The following IL13RA2 variants were observed in gnomAD, a reference collection of about 807,000 sequenced individuals.
IL13RA2 encodes the protein interleukin 13 receptor subunit alpha 2.
A neutral mutation model predicts 34.1 loss-of-function variants in IL13RA2; 25 were observed. The ratio of observed to expected loss-of-function variants is 0.73; its 90% CI spans 0.53 to 1.03. The LOEUF (loss-of-function observed/expected upper bound fraction) is 1.03. IL13RA2 is among the 50% of genes least tolerant of loss of function. The pLI is 0.00. For missense variants in IL13RA2, 297 were observed against 280.9 expected, an observed-to-expected ratio of 1.06 and a Z score of -0.41; for synonymous variants, 106 against 100.4, an observed-to-expected ratio of 1.06 and a Z score of -0.33.
rs1382602199 is a variant in IL13RA2 at position 115,015,891 on chromosome X, C to G, written c.95-70G>C. ...GACAAATATTGCTAAATCTAGATGGCTTCCAAATGTGCACCAATTGATTAA... is the reference window on the plus strand; with the variant it reads ...GACAAATATTGCTAAATCTAGATGGGTTCCAAATGTGCACCAATTGATTAA... On this transcript the variant is annotated intron_variant, in intron 2 of 9. Transcript: ENST00000243213. The G allele has an allele frequency of 7.4e-5, 52 of 705,799 alleles. No individual in the cohort carries two copies. In the East Asian group the frequency reaches 1.8e-3, roughly 24 times the overall value. The allele number at this position is 705,799 out of a possible 1,213,427, so 58.2% of individuals were successfully genotyped here. A position where few individuals can be genotyped will look rare whatever the true frequency, so the allele number is the denominator to read the frequency against.
intron 2 of IL13RA2, 121 bp from the exon 3 acceptor site, chrX:115,015,942 A>G: frequency 2.1e-6 from 1 of 472,114 alleles, no homozygotes; most frequent in Non-Finnish European, 3.6e-6. Flanking sequence ...TGCTACATGC[A>G]TACAATCAAA....
intron 2 of IL13RA2, among the ~76,000 whole-genome samples, chrX:115,016,879 G>A (rs2071730203): frequency 9.1e-6 from 1 of 110,030 alleles, no homozygotes; most frequent in African/African-American, 3.3e-5. Context: ...ACCAGGCAAT[G>A]AGGTTTCAGA....
chrX:115,016,646 TATAATATATAATATA>T lies in IL13RA2; in HGVS notation c.94+515_94+529del, dbSNP rs2071728848. Among the ~76,000 whole-genome samples, 10 of 102,087 alleles carry T rather than the reference TATAATATATAATATA, an allele frequency of 9.8e-5. No individual in the cohort carries two copies. The South Asian group carries it at 4.1e-3, about 42-fold the overall frequency. 88.7% of individuals were successfully genotyped at this position (102,087 alleles called of 115,157 possible). A position where few individuals can be genotyped will look rare whatever the true frequency, so the allele number is the denominator to read the frequency against. On this transcript the variant is annotated intron_variant, in intron 2 of 9. Coordinates refer to ENST00000243213, the MANE Select transcript of IL13RA2 (RefSeq NM_000640.3). The stretch of plus-strand genomic sequence containing the variant: ...ATGTATTTAATTATATTAATTATAA[TATAATATATAATATA>T]ATAATATACTATAAATAATTTTAAT...
At position 115,010,796 on chromosome X, in the gene IL13RA2, A is replaced by G. The variant is rs868969360; in HGVS notation, c.554T>C (p.Val185Ala). ...YEGLDHALQC[V>A]DYIKADGQNI... ...TTGTCCATCAGCCTTGATGTAATCA[A>G]CACACTGTAATGCATGATCCAAGCC... The change falls in exon 6 of 10, where the codon GTT (valine) becomes GCT (alanine). Residue 185 changes from valine to alanine, a missense_variant. Coordinates refer to ENST00000243213, the MANE Select transcript of IL13RA2 (RefSeq NM_000640.3). 5 of 1,127,620 alleles carry G rather than the reference A, an allele frequency of 4.4e-6. No individual in the cohort carries two copies. In the South Asian group the frequency reaches 1.1e-4, roughly 24 times the overall value. 92.9% of individuals were successfully genotyped at this position (1,127,620 alleles called of 1,213,427 possible).
Position 115,014,494 on chromosome X carries a change from T to C in IL13RA2, c.327A>G (p.Leu109=). ...CTGATCCATTTGTGCATTGCCATGG[T>C]AAAAGCGTGTGTATCTTCGCTTCAA... is the stretch of plus-strand genomic sequence containing the variant. ...KGIEAKIHTL[L]PWQCTNGSEV... The change falls in exon 4 of 10, where the codon TTA becomes TTG. Residue 109 remains leucine (L), a synonymous_variant. Transcript: ENST00000243213. 1 of 1,192,999 alleles carries C rather than the reference T, an allele frequency of 8.4e-7. No individual in the cohort carries two copies. Among genetic ancestry groups the C allele is most frequent in the Non-Finnish European group, 1.1e-6 (1 of 880,083 alleles).
chrX:115,009,702 T>C (rs781914156), intron 6 of IL13RA2, 36 bp from the exon 7 acceptor site: 9 of 1,165,518 alleles, frequency 7.7e-6, no homozygotes, highest in East Asian at 3.0e-5. Flanking sequence ...AACACGGAGA[T>C]TGTTGAAGTT....
chrX:115,004,851 T>C (rs143791241), intron 9 of IL13RA2, among the ~76,000 whole-genome samples: 261 of 112,473 alleles, frequency 2.3e-3, no homozygotes, highest in Middle Eastern at 9.3e-3. Flanking sequence ...ACTGGTAATA[T>C]GTGTTTCAGT....
intron 1 of IL13RA2, 113 bp downstream of exon 1, chrX:115,017,440 G>C: frequency 2.5e-6 from 1 of 395,435 alleles, no homozygotes; most frequent in Non-Finnish European, 4.4e-6. Flanking sequence ...TCAGACCATG[G>C]AAACAGAAAT....
intron 4 of IL13RA2, among the ~76,000 whole-genome samples, chrX:115,014,115 T>C (rs2071717209): frequency 8.9e-6 from 1 of 111,968 alleles, no homozygotes; most frequent in African/African-American, 3.2e-5. Context: ...TATAAGCATA[T>C]GCAAAAGTAG....
At position 115,005,100 on chromosome X, in the gene IL13RA2, A is replaced by T. The variant is rs1245410584; in HGVS notation, c.1116+97T>A. ...ATCAATTGTACACCCACAGCGAACA[A>T]GCAAAATTATAAAATGTATCTCCAT... On this transcript the variant is annotated intron_variant, in intron 9 of 9. Coordinates refer to ENST00000243213, the MANE Select transcript of IL13RA2 (RefSeq NM_000640.3). 2.7e-5 allele frequency: 14 copies of T among 527,529 alleles called. No homozygotes were observed. In the Admixed American group the frequency reaches 3.8e-4, roughly 14 times the overall value. The allele number at this position is 527,529 out of a possible 1,213,427, so 43.5% of individuals were successfully genotyped here.
At chrX:115,005,653 A>C (rs910864061) in intron 8 of IL13RA2, among the ~76,000 whole-genome samples, 24 of 112,215 alleles carry the variant, frequency 2.1e-4, no homozygotes, top group African/African-American at 7.4e-4. Flanking sequence ...AAGTGATTAA[A>C]CAAACATGTC....
chrX:115,009,517 A>G lies in IL13RA2; in HGVS notation c.852+4T>C. The G allele has an allele frequency of 8.4e-7, 1 of 1,188,714 alleles. No individual in the cohort carries two copies. Among genetic ancestry groups the G allele is most frequent in the Non-Finnish European group, 1.1e-6 (1 of 876,218 alleles). Reference sequence around the variant, plus strand: ...ATTTTCCCAAATAAATGCAATATTCATACCACCAAGGTAGTATCATCTTCT... The same window carrying G: ...ATTTTCCCAAATAAATGCAATATTCGTACCACCAAGGTAGTATCATCTTCT... On this transcript the variant is annotated splice_donor_region_variant and intron_variant, in intron 7 of 9. Transcript: ENST00000243213.
At position 115,005,260 on chromosome X, in the gene IL13RA2, G is replaced by T; in HGVS notation, c.1053C>A (p.Ile351=). 1.7e-6 allele frequency: 2 copies of T among 1,153,476 alleles called. No individual in the cohort carries two copies. The highest frequency in any genetic ancestry group is 6.0e-5 in the East Asian group (2 of 33,598). The stretch of plus-strand genomic sequence containing the variant: ...CGGTTACAAATATAACTAATATTAA[G>T]ATGAAACCAAATGGTAGCCAGAAAC... ...LLRFWLPFGF[I]LILVIFVTGL... Residue 351 remains isoleucine (I), a synonymous_variant, in exon 9 of 10, where the codon ATC becomes ATA. Transcript: ENST00000243213.
At chrX:115,013,234 T>C (rs1556508984) in intron 5 of IL13RA2, among the ~76,000 whole-genome samples, 1 of 111,088 alleles carries the variant, frequency 9.0e-6, no homozygotes, top group Non-Finnish European at 1.9e-5. Context: ...AGGTGTGGAA[T>C]GAGGGAAGCC....
At position 115,017,298 on chromosome X, in the gene IL13RA2, CCTCT is replaced by C. The variant is rs1556510411; in HGVS notation, c.-33_-30del. 1.6e-6 allele frequency: 1 copy of C among 632,563 alleles called. No homozygotes were observed. The highest frequency in any genetic ancestry group is 2.7e-6 in the Non-Finnish European group (1 of 373,564). The allele number at this position is 632,563 out of a possible 1,213,427, so 52.1% of individuals were successfully genotyped here. Reference sequence around the variant, plus strand: ...TCCGAGATTTAAAACCTTGATATTGCCTCTCTATGAAGGAAAAATATAACATTTT... The same window carrying C: ...TCCGAGATTTAAAACCTTGATATTGCCTATGAAGGAAAAATATAACATTTT... On this transcript the variant is annotated splice_region_variant and 5_prime_UTR_variant, in exon 2 of 10. Coordinates refer to ENST00000243213, the MANE Select transcript of IL13RA2 (RefSeq NM_000640.3).
rs781885354 is a variant in IL13RA2, at chrX:115,017,584, T to C, written c.-65A>G. 1 of 200,355 alleles carries C rather than the reference T, an allele frequency of 5.0e-6. No individual in the cohort carries two copies. Among genetic ancestry groups the C allele is most frequent in the Non-Finnish European group, 8.9e-6 (1 of 112,125 alleles). 16.5% of individuals were successfully genotyped at this position (200,355 alleles called of 1,213,427 possible). A position where few individuals can be genotyped will look rare whatever the true frequency, so the allele number is the denominator to read the frequency against. ...GCCGACAGGCACACTTCTGACCAGG[T>C]TATGGCGACTTCAAATAGCCTTCAT... On this transcript the variant is annotated 5_prime_UTR_variant, in exon 1 of 10. Coordinates refer to ENST00000243213, the MANE Select transcript of IL13RA2 (RefSeq NM_000640.3).
chrX:115,010,662 A>G lies in IL13RA2; in HGVS notation c.688T>C (p.Phe230Leu). 1 of 956,896 alleles carries G rather than the reference A, an allele frequency of 1.0e-6. No homozygotes were observed. The highest frequency in any genetic ancestry group is 3.2e-5 in the East Asian group (1 of 31,450). The allele number at this position is 956,896 out of a possible 1,213,427, so 78.9% of individuals were successfully genotyped here. A position where few individuals can be genotyped will look rare whatever the true frequency, so the allele number is the denominator to read the frequency against. ...NKPIRSSYFT[F>L]QLQNIVKPLP... is the part of the protein sequence containing the mutation. ...ACATCACCTATATTTTGAAGCTGAA[A>G]AGTGAAATAACTGGATCTGATAGGC... Residue 230 changes from phenylalanine to leucine, a missense_variant, in exon 6 of 10, where the codon TTT (phenylalanine) becomes CTT (leucine). Phe to Leu is a conservative substitution (Grantham distance 22, BLOSUM62 0). Transcript: ENST00000243213.
At chrX:115,016,827 A>G (rs782349757) in intron 2 of IL13RA2, among the ~76,000 whole-genome samples, 1 of 109,639 alleles carries the variant, frequency 9.1e-6, no homozygotes, top group South Asian at 3.8e-4. Context: ...TAAGGATAGT[A>G]GCTAAGGATA....
chrX:115,015,451 G>T (rs1209714589), intron 3 of IL13RA2, among the ~76,000 whole-genome samples: 3 of 111,283 alleles, frequency 2.7e-5, no homozygotes, highest in Admixed American at 9.6e-5. Context: ...TTTTGTTTTT[G>T]TTTTTGTTTT....
Sources: gnomAD v4.1 joint callset for allele counts (sites outside exome capture counted in the v4.1 genomes callset) on GRCh38, gnomAD v4.1.1 for gene constraint, MANE v1.5 for transcripts, NCBI Gene and HGNC (gene_info 2026-07-23, HGNC 2026-07-21) for gene names.